The following CFAP47 variants were observed in gnomAD, a reference collection of about 807,000 sequenced individuals.
The protein encoded by CFAP47 is cilia- and flagella-associated protein 47.
Under a neutral mutation model 148.1 loss-of-function variants are expected in CFAP47, and 29 were observed. That is an observed-to-expected ratio of 0.20 (90% CI 0.15 to 0.27). CFAP47 has a LOEUF of 0.27. CFAP47 is among the 10% of genes least tolerant of loss of function. The pLI, the probability that CFAP47 is intolerant of heterozygous loss-of-function variation, is 1.00. For missense variants in CFAP47, 1,872 were observed against 1,697.5 expected (o/e 1.10, Z -1.81); for synonymous variants, 664 against 577.3 (o/e 1.15, Z -2.15).
rs1935735417 is a variant in CFAP47 at position 35,926,053 on chromosome X, G to A, written c.286G>A (p.Ala96Thr). The A allele has an allele frequency of 8.3e-7, 1 of 1,206,532 alleles. No homozygotes were observed. The highest frequency in any genetic ancestry group is 1.1e-6 in the Non-Finnish European group (1 of 891,468). ...GTTGACCAGTCTGGATAAAGAACTT[G>A]CTTCTGGCCTTCAGATGACAGCTAT... Reference protein sequence around the residue: ...LMLTSLDKELASGLQMTAMVE... With the variant: ...LMLTSLDKELTSGLQMTAMVE... Residue 96 changes from alanine (A) to threonine (T), a missense_variant, in exon 2 of 64, where the codon GCT (alanine) becomes ACT (threonine). Coordinates refer to ENST00000378653, the MANE Select transcript of CFAP47 (RefSeq NM_001304548.2).
intron 15 of CFAP47, among the ~76,000 whole-genome samples, chrX:35,988,121 T>G (rs1474475330): frequency 9.0e-6 from 1 of 111,497 alleles, no homozygotes; most frequent in Non-Finnish European, 1.9e-5. Flanking sequence ...CTTTTTACAT[T>G]GAGAAAGGCC....
At chrX:36,179,152 C>T (rs914178088) in intron 39 of CFAP47, among the ~76,000 whole-genome samples, 193 bp from the exon 40 acceptor site, 5 of 112,090 alleles carry the variant, frequency 4.5e-5, no homozygotes, top group African/African-American at 9.7e-5. Flanking sequence ...TTTCCATTCC[C>T]GATCTTTCCC....
chrX:36,241,415 A>ACT (rs1940542126), intron 48 of CFAP47, among the ~76,000 whole-genome samples: 1 of 111,657 alleles, frequency 9.0e-6, no homozygotes, highest in Non-Finnish European at 1.9e-5. Flanking sequence ...TCCAGATGGA[A>ACT]CTGGGGCACA....
intron 15 of CFAP47, among the ~76,000 whole-genome samples, chrX:35,977,351 C>A (rs189438611): frequency 9.6e-4 from 108 of 112,028 alleles, no homozygotes; most frequent in African/African-American, 3.2e-3. Flanking sequence ...TGAGAAACTT[C>A]TCTAATGCCT....
chrX:36,104,895 C>T (rs1405600254), intron 33 of CFAP47, among the ~76,000 whole-genome samples: 3 of 111,792 alleles, frequency 2.7e-5, no homozygotes, highest in Non-Finnish European at 3.8e-5. Context: ...ATAAAAGGTG[C>T]TTCTTTAACT....
chrX:35,966,234 G>A (rs1365670056), intron 8 of CFAP47, among the ~76,000 whole-genome samples: 1 of 112,414 alleles, frequency 8.9e-6, no homozygotes, highest in Non-Finnish European at 1.9e-5. Flanking sequence ...AGAAATATTA[G>A]CTGCTAATAT....
chrX:36,342,271 T>A (rs1941660065), intron 57 of CFAP47, among the ~76,000 whole-genome samples: 1 of 111,824 alleles, frequency 8.9e-6, no homozygotes. Context: ...ATAAATGGTA[T>A]GTTTTTGTTC....
intron 15 of CFAP47, among the ~76,000 whole-genome samples, chrX:35,984,930 A>G (rs1266488923): frequency 9.0e-6 from 1 of 111,067 alleles, no homozygotes; most frequent in African/African-American, 3.3e-5. Context: ...TTGGGAGTGG[A>G]GAGTTCTGTA....
chrX:35,954,636 G>A (rs180996736), intron 7 of CFAP47, among the ~76,000 whole-genome samples: 3 of 111,699 alleles, frequency 2.7e-5, no homozygotes, highest in Admixed American at 1.9e-4. Context: ...GTCTAAGATT[G>A]GCTACTAAGA....
intron 42 of CFAP47, among the ~76,000 whole-genome samples, chrX:36,195,841 A>C (rs17245599): frequency 0.043 from 4,802 of 111,609 alleles, 97 homozygotes; most frequent in Non-Finnish European, 0.066. Context: ...GTTCTGAAAA[A>C]TGTGGTGATA....
chrX:36,189,626 T>A, intron 41 of CFAP47, among the ~76,000 whole-genome samples: 1 of 111,920 alleles, frequency 8.9e-6, no homozygotes, highest in Non-Finnish European at 1.9e-5. Context: ...GCTAGATAGA[T>A]AAATGGAGCT....
intron 40 of CFAP47, among the ~76,000 whole-genome samples, chrX:36,182,459 C>T (rs760545253): frequency 1.8e-5 from 2 of 112,073 alleles, no homozygotes; most frequent in African/African-American, 6.5e-5. Flanking sequence ...ATCAATCTGG[C>T]TTCTTTGGCA....
In CFAP47 at chrX:36,210,080, C is replaced by G. The variant is rs901607643; in HGVS notation, c.6817+4970C>G. ...TAATATTCCATTTTGTGACTATGCCCTACTTTGTTTATCCATTCATCAGTT... is the reference window on the plus strand; with the variant it reads ...TAATATTCCATTTTGTGACTATGCCGTACTTTGTTTATCCATTCATCAGTT... On this transcript the variant is annotated intron_variant, in intron 45 of 63. Coordinates refer to ENST00000378653, the MANE Select transcript of CFAP47 (RefSeq NM_001304548.2). 1.2e-4 allele frequency among the ~76,000 whole-genome samples: 14 copies of G among 112,221 alleles called. No homozygotes were observed. The Admixed American group carries it at 1.3e-3, about 11-fold the overall frequency.
chrX:36,067,943 G>A (rs1937670722), intron 27 of CFAP47, among the ~76,000 whole-genome samples: 1 of 111,139 alleles, frequency 9.0e-6, no homozygotes, highest in Non-Finnish European at 1.9e-5. Context: ...GAGCCACCGC[G>A]CCTGGCCGCC....
chrX:36,088,647 A>G (rs1450519541), intron 30 of CFAP47, among the ~76,000 whole-genome samples: 2 of 111,334 alleles, frequency 1.8e-5, no homozygotes, highest in African/African-American at 6.5e-5. Flanking sequence ...TTGAACTTAC[A>G]GCATCCAGAA....
intron 45 of CFAP47, among the ~76,000 whole-genome samples, chrX:36,207,275 TAATA>T (rs1303109924): frequency 1.3e-4 from 15 of 111,807 alleles, no homozygotes; most frequent in African/African-American, 4.9e-4. Context: ...AAATTTCTGA[TAATA>T]AATATGGCAA....
intron 57 of CFAP47, among the ~76,000 whole-genome samples, chrX:36,326,603 T>A (rs782442928): frequency 1.4e-4 from 16 of 112,026 alleles, no homozygotes; most frequent in Non-Finnish European, 2.6e-4. Context: ...CTTGCTATGC[T>A]TTAGCAAAGA....
Position 36,099,732 on chromosome X carries a change from A to T in CFAP47, c.4999-19A>T. On this transcript the variant is annotated intron_variant, in intron 31 of 63. Transcript: ENST00000378653. ...TGCCTTAAATTTTAATTAATGTTGTACTATTTTATTTCTTAAAGTCTTCCA... is the reference window on the plus strand; with the variant it reads ...TGCCTTAAATTTTAATTAATGTTGTTCTATTTTATTTCTTAAAGTCTTCCA... The T allele has an allele frequency of 1.3e-6, 1 of 754,810 alleles. No individual in the cohort carries two copies. Among genetic ancestry groups the T allele is most frequent in the Non-Finnish European group, 2.0e-6 (1 of 504,289 alleles). 62.2% of individuals were successfully genotyped at this position (754,810 alleles called of 1,213,427 possible). A position where few individuals can be genotyped will look rare whatever the true frequency, so the allele number is the denominator to read the frequency against.
chrX:35,928,136 A>T (rs911871078), intron 2 of CFAP47, among the ~76,000 whole-genome samples: 1 of 109,762 alleles, frequency 9.1e-6, no homozygotes, highest in Non-Finnish European at 1.9e-5. Flanking sequence ...TTGTCTGAGC[A>T]TAAGTTTTTA....
Sources: allele counts gnomAD v4.1 joint callset (sites outside exome capture counted in the v4.1 genomes callset), GRCh38; gene constraint gnomAD v4.1.1; transcripts MANE v1.5; gene names NCBI Gene and HGNC (gene_info 2026-07-23, HGNC 2026-07-21).